The following NALF1 variants were observed in gnomAD, a reference collection of about 807,000 sequenced individuals.
The protein encoded by NALF1 is NALCN channel auxiliary factor 1, also known as family with sequence similarity 155 member A.
A neutral mutation model predicts 48.4 loss-of-function variants in NALF1; 3 were observed. The observed-to-expected ratio is 0.06, with a 90% CI of 0.03 to 0.16. NALF1 has a LOEUF of 0.16. NALF1 is among the 10% of genes least tolerant of loss of function. The pLI, the probability that NALF1 is intolerant of heterozygous loss-of-function variation, is 1.00. For missense variants in NALF1, 526 were observed against 571.5 expected (o/e 0.92, Z 0.81); for synonymous variants, 262 against 245.7 (o/e 1.07, Z -0.62).
intron 1 of NALF1, among the ~76,000 whole-genome samples, chr13:107,787,690 A>C (rs900022720): frequency 6.6e-6 from 1 of 152,222 alleles, no homozygotes; most frequent in African/African-American, 2.4e-5. Flanking sequence ...TTCTGAAGTT[A>C]TGTTTTTAGA....
At chr13:107,247,411 C>T (rs1488514422) in intron 1 of NALF1, among the ~76,000 whole-genome samples, 1 of 152,132 alleles carries the variant, frequency 6.6e-6, no homozygotes, top group African/African-American at 2.4e-5. Flanking sequence ...ATGATACACC[C>T]CAAAGGGGTT....
chr13:107,342,912 A>G (rs1322943655), intron 1 of NALF1, among the ~76,000 whole-genome samples: 1 of 152,182 alleles, frequency 6.6e-6, no homozygotes, highest in Admixed American at 6.5e-5. Context: ...GGAGAATTCA[A>G]CATTAACACA....
chr13:107,675,278 T>TGGGCTATAGGCTCTGGG (rs1402039966), intron 1 of NALF1, among the ~76,000 whole-genome samples: 1 of 152,160 alleles, frequency 6.6e-6, no homozygotes, highest in Admixed American at 6.5e-5. Context: ...TGCCCCCCAC[T>TGGGCTATAGGCTCTGGG]GGGCTATAGG....
chr13:107,524,606 T>A (rs1017892099), intron 1 of NALF1, among the ~76,000 whole-genome samples: 2 of 152,076 alleles, frequency 1.3e-5, no homozygotes, highest in Non-Finnish European at 2.9e-5. Flanking sequence ...GAATACTGCA[T>A]AATAATAATT....
intron 1 of NALF1, among the ~76,000 whole-genome samples, chr13:107,349,843 T>C (rs557951706): frequency 6.6e-6 from 1 of 152,108 alleles, no homozygotes; most frequent in African/African-American, 2.4e-5. Context: ...TTTATGTGTA[T>C]CCCTTGTTTA....
chr13:107,682,464 T>C (rs904077337), intron 1 of NALF1, among the ~76,000 whole-genome samples: 2 of 152,116 alleles, frequency 1.3e-5, no homozygotes, highest in Admixed American at 6.6e-5. Flanking sequence ...GCCAGCATTG[T>C]GCTGTTCCCA....
chr13:107,357,628 G>A (rs1011624077), intron 1 of NALF1, among the ~76,000 whole-genome samples: 2 of 152,148 alleles, frequency 1.3e-5, no homozygotes, highest in Non-Finnish European at 2.9e-5. Flanking sequence ...TAGCTTTGAA[G>A]TATTTGAACA....
intron 1 of NALF1, among the ~76,000 whole-genome samples, chr13:107,274,741 T>C (rs1170055625): frequency 2.6e-5 from 4 of 152,124 alleles, no homozygotes; most frequent in African/African-American, 7.2e-5. Context: ...ATGATAATTA[T>C]AGTATTTTAG....
intron 1 of NALF1, among the ~76,000 whole-genome samples, chr13:107,766,414 G>C (rs1049326540): frequency 4.6e-5 from 7 of 152,064 alleles, no homozygotes; most frequent in Non-Finnish European, 1.0e-4. Context: ...AGAAAACACA[G>C]GATTAGGTCA....
At position 107,520,803 on chromosome 13, in the gene NALF1, C is replaced by T. The variant is rs999948202; in HGVS notation, c.916-310048G>A. Among the ~76,000 whole-genome samples, 6 of 152,108 alleles carry T rather than the reference C, an allele frequency of 3.9e-5. No individual in the cohort carries two copies. The South Asian group carries it at 8.3e-4, about 21-fold the overall frequency. ...GCCCCAGTCTTCTAGAATGCTTCCCCGCATATTTTTCAACACATGGGGTAA... is the reference window on the plus strand; with the variant it reads ...GCCCCAGTCTTCTAGAATGCTTCCCTGCATATTTTTCAACACATGGGGTAA... On this transcript the variant is annotated intron_variant, in intron 1 of 2. Coordinates refer to ENST00000375915, the MANE Select transcript of NALF1 (RefSeq NM_001080396.3).
At chr13:107,300,481 A>G (rs1269285571) in intron 1 of NALF1, among the ~76,000 whole-genome samples, 2 of 152,242 alleles carry the variant, frequency 1.3e-5, no homozygotes, top group Non-Finnish European at 2.9e-5. Context: ...AATGATTCAT[A>G]TTAATATTTG....
At chr13:107,352,285 T>C (rs866529557) in intron 1 of NALF1, among the ~76,000 whole-genome samples, 11 of 152,070 alleles carry the variant, frequency 7.2e-5, no homozygotes, top group South Asian at 4.2e-4. Context: ...TGCTGTTCCA[T>C]TGTGGGCAGG....
intron 1 of NALF1, among the ~76,000 whole-genome samples, chr13:107,447,583 CT>C (rs1332862082): frequency 6.6e-6 from 1 of 152,024 alleles, no homozygotes. Flanking sequence ...TTCTTTATTC[CT>C]TTTTACAGCT....
chr13:107,623,605 T>C (rs190935598), intron 1 of NALF1, among the ~76,000 whole-genome samples: 53 of 152,332 alleles, frequency 3.5e-4, no homozygotes, highest in Admixed American at 2.7e-3. Flanking sequence ...GTTGTATGCA[T>C]AGTTGAAGGG....
Position 107,853,813 on chromosome 13 carries a change from C to T in NALF1, c.915+11869G>A, listed in dbSNP as rs144950174. Among the ~76,000 whole-genome samples the T allele has an allele frequency of 2.4e-3, 360 of 152,144 alleles. 1 individual carries two copies. The highest frequency in any genetic ancestry group is 3.4e-3 in the Non-Finnish European group (229 of 67,982). ...AGATTGGGTACTCTTTTAAAAAAGA[C>T]TTTAAAACTTTAAAAAGTTTGATTT... is the stretch of plus-strand genomic sequence containing the variant. On this transcript the variant is annotated intron_variant, in intron 1 of 2. Coordinates refer to ENST00000375915, the MANE Select transcript of NALF1 (RefSeq NM_001080396.3).
intron 1 of NALF1, among the ~76,000 whole-genome samples, chr13:107,825,401 A>C (rs920164042): frequency 3.0e-4 from 46 of 152,342 alleles, no homozygotes; most frequent in African/African-American, 1.1e-3. Context: ...GTGACATCAG[A>C]AAAAAAGTTG....
chr13:107,563,530 TTACACTTCAA>T (rs1457643572), intron 1 of NALF1, among the ~76,000 whole-genome samples: 1 of 152,186 alleles, frequency 6.6e-6, no homozygotes, highest in East Asian at 1.9e-4. Context: ...ATTCTTTTAT[TTACACTTCAA>T]ATAGTGACAG....
chr13:107,817,853 G>GT (rs1555327827), intron 1 of NALF1, among the ~76,000 whole-genome samples: 2 of 151,818 alleles, frequency 1.3e-5, no homozygotes, highest in South Asian at 2.1e-4. Flanking sequence ...GCTTCCATTT[G>GT]TTTATTTGCA....
At chr13:107,626,192 A>G (rs1178104926) in intron 1 of NALF1, among the ~76,000 whole-genome samples, 1 of 151,984 alleles carries the variant, frequency 6.6e-6, no homozygotes, top group Admixed American at 6.6e-5. Flanking sequence ...AATCACGTAC[A>G]CTCTATAAAA....
Sources: allele counts gnomAD v4.1 joint callset (sites outside exome capture counted in the v4.1 genomes callset), GRCh38; gene constraint gnomAD v4.1.1; transcripts MANE v1.5; gene names NCBI Gene and HGNC (gene_info 2026-07-23, HGNC 2026-07-21).